DISC1: variants seen among roughly 807,000 people sequenced by gnomAD.
DISC1 encodes disrupted in schizophrenia 1 protein.
DISC1 carries 57 observed loss-of-function variants against 84.5 expected under a neutral mutation model. The observed-to-expected ratio is 0.67, with a 90% confidence interval of 0.55 to 0.84. DISC1 has a LOEUF of 0.84. Ranked by LOEUF, DISC1 falls within the 40% of genes least tolerant of loss-of-function variation. The pLI is 0.00. For synonymous variants in DISC1, 411 were observed against 415.2 expected, an observed-to-expected ratio of 0.99 and a Z score of 0.12; for missense variants, 1,000 against 1,057.8, an observed-to-expected ratio of 0.95 and a Z score of 0.76.
chr1:231,722,756 C>T, intron 3 of DISC1: 1 of 1,508,050 alleles, frequency 6.6e-7, no homozygotes, highest in East Asian at 2.5e-5. Flanking sequence ...TCCCTTTTAA[C>T]ATTATTTCAG....
At chr1:231,743,115 A>G (rs1311393515) in intron 3 of DISC1, among the ~76,000 whole-genome samples, 2 of 152,146 alleles carry the variant, frequency 1.3e-5, no homozygotes, top group Non-Finnish European at 2.9e-5. Context: ...CTGGCAGTGG[A>G]TGGGTATAGT....
intron 10 of DISC1, among the ~76,000 whole-genome samples, chr1:231,995,944 T>G (rs1372975286): frequency 6.6e-6 from 1 of 152,086 alleles, no homozygotes; most frequent in East Asian, 1.9e-4. Flanking sequence ...TGAACTAGTT[T>G]ACAGTCCCAC....
At chr1:231,858,052 G>T (rs2084390005) in intron 9 of DISC1, among the ~76,000 whole-genome samples, 1 of 152,208 alleles carries the variant, frequency 6.6e-6, no homozygotes, top group African/African-American at 2.4e-5. Context: ...CACAATTGTG[G>T]ATGGAGCCTG....
intron 9 of DISC1, among the ~76,000 whole-genome samples, chr1:231,828,828 G>C (rs1333772335): frequency 6.6e-6 from 1 of 152,180 alleles, no homozygotes; most frequent in East Asian, 1.9e-4. Flanking sequence ...GTTAATCCTC[G>C]TAACTGTAGT....
At chr1:231,803,946 CAAAAAAAAAAAAAAAAAA>C (rs59401177) in intron 8 of DISC1, among the ~76,000 whole-genome samples, 2 of 55,364 alleles carry the variant, frequency 3.6e-5, no homozygotes, top group African/African-American at 1.5e-4. Flanking sequence ...GACTCCGTCT[CAAAAAAAAAAAAAAAAAA>C]AAAAAAAAAA....
At chr1:232,001,234 G>A (rs1445737606) in intron 10 of DISC1, among the ~76,000 whole-genome samples, 8 of 152,042 alleles carry the variant, frequency 5.3e-5, no homozygotes, top group Admixed American at 4.6e-4. Flanking sequence ...ATGTGCCACT[G>A]TGTCCAGCTA....
intron 8 of DISC1, among the ~76,000 whole-genome samples, chr1:231,817,236 C>T (rs1403736592): frequency 2.0e-5 from 3 of 152,154 alleles, no homozygotes; most frequent in African/African-American, 7.2e-5. Flanking sequence ...AGGTGCTTAC[C>T]ACTGTGCCAG....
chr1:231,836,651 C>T (rs1343043908), intron 9 of DISC1, among the ~76,000 whole-genome samples: 1 of 152,182 alleles, frequency 6.6e-6, no homozygotes, highest in Non-Finnish European at 1.5e-5. Flanking sequence ...TTTGGCTGCT[C>T]CCATTGGCTT....
At chr1:231,831,010 C>A (rs1177991131) in intron 9 of DISC1, among the ~76,000 whole-genome samples, 1 of 152,180 alleles carries the variant, frequency 6.6e-6, no homozygotes, top group African/African-American at 2.4e-5. Context: ...GAAGGCTAAA[C>A]TGAGGAATTA....
chr1:232,002,134 T>G (rs1666765960), intron 10 of DISC1, among the ~76,000 whole-genome samples: 1 of 152,094 alleles, frequency 6.6e-6, no homozygotes, highest in Admixed American at 6.5e-5. Context: ...ATAGTCAACA[T>G]CATTAGAAAT....
At chr1:231,658,252 G>C (rs1217926114) in intron 1 of DISC1, among the ~76,000 whole-genome samples, 1 of 152,126 alleles carries the variant, frequency 6.6e-6, no homozygotes, top group East Asian at 1.9e-4. Context: ...ATTGTGAATG[G>C]GAGTTCATTT....
chr1:231,677,610 G>T (rs1159266778), intron 1 of DISC1, among the ~76,000 whole-genome samples: 1 of 152,240 alleles, frequency 6.6e-6, no homozygotes, highest in African/African-American at 2.4e-5. Context: ...CCATTTTACA[G>T]ATGAGCAAAC....
In DISC1 at chr1:231,795,238, C is replaced by G; in HGVS notation, c.1635-4C>G. ...GACCAATCTCCTCTTTTTAATTCTT[C>G]CAGCCTCCAGGAAAGAATAAAATCC... is the stretch of plus-strand genomic sequence containing the variant. On this transcript the variant is annotated splice_region_variant and splice_polypyrimidine_tract_variant and intron_variant, in intron 6 of 12. Transcript: ENST00000439617. The G allele has an allele frequency of 6.2e-7, 1 of 1,613,462 alleles. No individual in the cohort carries two copies. Among genetic ancestry groups the G allele is most frequent in the Non-Finnish European group, 8.5e-7 (1 of 1,179,476 alleles).
chr1:231,992,593 A>C (rs1665368075), intron 10 of DISC1, among the ~76,000 whole-genome samples: 1 of 152,206 alleles, frequency 6.6e-6, no homozygotes, highest in African/African-American at 2.4e-5. Context: ...ACTTCGAGTC[A>C]GTCAAATAAT....
intron 10 of DISC1, among the ~76,000 whole-genome samples, chr1:232,008,003 A>T (rs529713088): frequency 2.0e-5 from 3 of 152,246 alleles, no homozygotes; most frequent in Non-Finnish European, 4.4e-5. Context: ...CCATGTGAAG[A>T]AGGTGCCTTG....
At position 231,820,685 on chromosome 1, in the gene DISC1, T is replaced by G. The variant is rs557090464; in HGVS notation, c.1981+2168T>G. On this transcript the variant is annotated intron_variant, in intron 9 of 12. Coordinates refer to ENST00000439617, the MANE Select transcript of DISC1 (RefSeq NM_018662.3). ...TGACCCAGCCACATGCATGTCCAAG[T>G]CCAGTCAGAAAAAAAACAAAGAAGG... Among the ~76,000 whole-genome samples the G allele has an allele frequency of 7.2e-5, 11 of 152,166 alleles. No homozygotes were observed. In the East Asian group the frequency reaches 2.1e-3, roughly 29 times the overall value.
At chr1:231,835,556 A>G (rs1369972907) in intron 9 of DISC1, among the ~76,000 whole-genome samples, 2 of 152,156 alleles carry the variant, frequency 1.3e-5, no homozygotes, top group African/African-American at 2.4e-5. Context: ...TTGTGGTGGA[A>G]TGTCATCAGT....
rs564973844 is a variant in DISC1 at position 231,709,128 on chromosome 1, A to G, written c.1117+7104A>G. 4.2e-4 allele frequency among the ~76,000 whole-genome samples: 64 copies of G among 152,330 alleles called. 1 individual carries two copies. The highest frequency in any genetic ancestry group is 1.5e-3 in the African/African-American group (61 of 41,588). The stretch of plus-strand genomic sequence containing the variant: ...TGTCTTAGCTTCTCTTCCTGTTTAC[A>G]GGAGAATTTACAATTCTGTAAGTTA... On this transcript the variant is annotated intron_variant, in intron 3 of 12. Coordinates refer to ENST00000439617, the MANE Select transcript of DISC1 (RefSeq NM_018662.3).
intron 6 of DISC1, among the ~76,000 whole-genome samples, chr1:231,778,664 T>C (rs993287726): frequency 6.6e-6 from 1 of 152,140 alleles, no homozygotes; most frequent in Non-Finnish European, 1.5e-5. Flanking sequence ...TACCAGACTA[T>C]AATCTGGTAA....
Sources: gnomAD v4.1 joint callset for allele counts (sites outside exome capture counted in the v4.1 genomes callset) on GRCh38, gnomAD v4.1.1 for gene constraint, MANE v1.5 for transcripts, NCBI Gene and HGNC (gene_info 2026-07-23, HGNC 2026-07-21) for gene names.